The following KTN1 variants were observed in gnomAD, a reference collection of about 807,000 sequenced individuals.
The protein encoded by KTN1 is kinectin.
Under a neutral mutation model 222.5 loss-of-function variants are expected in KTN1, and 130 were observed. The ratio of observed to expected loss-of-function variants is 0.58; its 90% confidence interval spans 0.51 to 0.68. The LOEUF (loss-of-function observed/expected upper bound fraction) is 0.68. Ranked by LOEUF, KTN1 falls within the 30% of genes least tolerant of loss-of-function variation. The probability of loss-of-function intolerance (pLI) is 0.00; values close to 1 mark genes in which losing one functional copy is unlikely to be tolerated. For missense variants in KTN1, 1,508 were observed against 1,500.4 expected (o/e 1.01, Z -0.08); for synonymous variants, 512 against 496.3 (o/e 1.03, Z -0.42).
chr14:55,680,369 GTT>G (rs540631095), intron 43 of KTN1: 43 of 148,210 alleles, frequency 2.9e-4, no homozygotes, highest in South Asian at 7.0e-4. Flanking sequence ...TGGTTGTAGG[GTT>G]TTTTTTTTTT....
chr14:55,645,097 G>C (rs1305075352), intron 18 of KTN1, among the ~76,000 whole-genome samples: 1 of 152,142 alleles, frequency 6.6e-6, no homozygotes, highest in East Asian at 1.9e-4. Flanking sequence ...TTTAGAGGAA[G>C]AGATAATGCA....
intron 1 of KTN1, among the ~76,000 whole-genome samples, chr14:55,596,060 CAGG>C (rs1436198062): frequency 7.0e-6 from 1 of 143,362 alleles, no homozygotes; most frequent in African/African-American, 2.6e-5. Context: ...GAGGCTGAAG[CAGG>C]AGAATGGTGT....
In KTN1 at chr14:55,651,248, A is replaced by T. The variant is rs537884888; in HGVS notation, c.2565+611A>T. On this transcript the variant is annotated intron_variant, in intron 24 of 43. Coordinates refer to ENST00000395314, the MANE Select transcript of KTN1 (RefSeq NM_001079521.2). ...GTGATTGGAGATAATGTGTTGAATG[A>T]AACAGGTAGGATGAAAAGATCATAC... 8.8e-6 allele frequency: 4 copies of T among 455,930 alleles called. No individual in the cohort carries two copies. In the Admixed American group the frequency reaches 9.4e-5, roughly 11 times the overall value. The allele number at this position is 455,930 out of a possible 1,614,324, so 28.2% of individuals were successfully genotyped here.
At chr14:55,639,272 A>C in intron 13 of KTN1, 50 bp downstream of exon 13, 1 of 1,298,004 alleles carries the variant, frequency 7.7e-7, no homozygotes, top group Non-Finnish European at 1.1e-6. Flanking sequence ...CCACTAACTG[A>C]TACTTGTTAG....
intron 1 of KTN1, among the ~76,000 whole-genome samples, chr14:55,597,479 G>A (rs142131660): frequency 3.3e-5 from 5 of 152,168 alleles, no homozygotes; most frequent in African/African-American, 1.2e-4. Context: ...CAATTTTGCT[G>A]TTTGCGTAGA....
rs550190076 is a variant in KTN1, at chr14:55,602,979, G to A, written c.-30-9040G>A. Among the ~76,000 whole-genome samples, 3 of 152,200 alleles carry A rather than the reference G, an allele frequency of 2.0e-5. No individual in the cohort carries two copies. In the South Asian group the frequency reaches 6.2e-4, roughly 32 times the overall value. On this transcript the variant is annotated intron_variant, in intron 1 of 43. Coordinates refer to ENST00000395314, the MANE Select transcript of KTN1 (RefSeq NM_001079521.2). ...CAGAATTTTCACAAATGTCTATACC[G>A]TCTACCTCCTTTCCTGTCCTGGGTC... is the stretch of plus-strand genomic sequence containing the variant.
intron 9 of KTN1, among the ~76,000 whole-genome samples, chr14:55,635,549 C>G (rs1414553706): frequency 6.6e-6 from 1 of 152,170 alleles, no homozygotes; most frequent in Non-Finnish European, 1.5e-5. Context: ...CAGAGTGTCA[C>G]TTGGTCCAGT....
rs756061959 is a variant in KTN1 at position 55,667,293 on chromosome 14, A to G, written c.3230A>G (p.Lys1077Arg). 2.7e-5 allele frequency: 43 copies of G among 1,607,284 alleles called. No homozygotes were observed. The Middle Eastern group carries it at 5.0e-4, about 19-fold the overall frequency. Reference protein sequence around the residue: ...AVELEAKEVLKKLFPKVSVPS... With the variant: ...AVELEAKEVLRKLFPKVSVPS... The stretch of plus-strand genomic sequence containing the variant: ...GAGTTGGAGGCTAAAGAAGTTCTCA[A>G]AAAATTATTTCCAAAGGTGTCTGTC... Residue 1077 changes from lysine (K) to arginine (R), a missense_variant, in exon 34 of 44, where the codon AAA becomes AGA. Physicochemically the swap from Lys to Arg is conservative, Grantham distance 26. Transcript: ENST00000395314.
intron 1 of KTN1, among the ~76,000 whole-genome samples, chr14:55,586,193 A>G (rs1299406713): frequency 6.6e-6 from 1 of 152,130 alleles, no homozygotes; most frequent in Non-Finnish European, 1.5e-5. Context: ...TAATTACATA[A>G]TGTTCTGTGG....
At chr14:55,657,705 G>GTTCCCCTC (rs1226407923) in intron 29 of KTN1, among the ~76,000 whole-genome samples, 2 of 152,006 alleles carry the variant, frequency 1.3e-5, no homozygotes, top group East Asian at 3.9e-4. Context: ...GAGGTCAGGG[G>GTTCCCCTC]TTCGAGACCA....
chr14:55,619,330 TTATG>T lies in KTN1; in HGVS notation c.963+19_963+22del. ...TAAAGAAGGTAAGCGTGTTTTTTGA[TTATG>T]GGCATATTCATGACCAGTCATTAGA... On this transcript the variant is annotated intron_variant, in intron 5 of 43. Coordinates refer to ENST00000395314, the MANE Select transcript of KTN1 (RefSeq NM_001079521.2). The T allele has an allele frequency of 6.2e-7, 1 of 1,611,614 alleles. No individual in the cohort carries two copies.
chr14:55,624,781 C>CT (rs2039587578), intron 5 of KTN1, among the ~76,000 whole-genome samples: 1 of 152,060 alleles, frequency 6.6e-6, no homozygotes, highest in Non-Finnish European at 1.5e-5. Flanking sequence ...ATCACAGAAA[C>CT]TTTGAGTTTG....
chr14:55,652,882 T>C lies in KTN1; in HGVS notation c.2636T>C (p.Met879Thr). Reference protein sequence around the residue: ...LKGKEEQMNTMKAVLEEKEKD... With the variant: ...LKGKEEQMNTTKAVLEEKEKD... ...GGAAAAGAGGAACAGATGAATACCATGAAGGCTGTTTTGGAAGAGAAAGAG... is the reference window on the plus strand; with the variant it reads ...GGAAAAGAGGAACAGATGAATACCACGAAGGCTGTTTTGGAAGAGAAAGAG... Residue 879 changes from methionine (M) to threonine (T), a missense_variant, in exon 26 of 44, where the codon ATG becomes ACG. Transcript: ENST00000395314. 6.2e-7 allele frequency: 1 copy of C among 1,610,280 alleles called. No homozygotes were observed. The highest frequency in any genetic ancestry group is 8.5e-7 in the Non-Finnish European group (1 of 1,177,308).
chr14:55,637,403 G>C lies in KTN1; in HGVS notation c.1716+39G>C, dbSNP rs1451145009. The C allele has an allele frequency of 7.2e-6, 10 of 1,389,012 alleles. No homozygotes were observed. The African/African-American group carries it at 1.2e-4, about 16-fold the overall frequency. The allele number at this position is 1,389,012 out of a possible 1,614,324, so 86.0% of individuals were successfully genotyped here. Reference sequence around the variant, plus strand: ...TTTTTTTTTTTTTAAAAAAATACAGGTGGTCACTTATTAGATCTGTGTGTC... The same window carrying C: ...TTTTTTTTTTTTTAAAAAAATACAGCTGGTCACTTATTAGATCTGTGTGTC... On this transcript the variant is annotated intron_variant, in intron 11 of 43. Transcript: ENST00000395314.
At chr14:55,596,173 A>AAAAAAAT (rs1376306292) in intron 1 of KTN1, among the ~76,000 whole-genome samples, 1 of 148,856 alleles carries the variant, frequency 6.7e-6, no homozygotes, top group African/African-American at 2.5e-5. Context: ...AAAAAAAAAA[A>AAAAAAAT]GTAAAAATAA....
intron 1 of KTN1, among the ~76,000 whole-genome samples, chr14:55,580,891 G>A (rs1257942305): frequency 6.6e-6 from 1 of 152,194 alleles, no homozygotes; most frequent in Non-Finnish European, 1.5e-5. Flanking sequence ...GGCGGTCTGG[G>A]CGCTCGCCCC....
In KTN1 at chr14:55,585,131, C is replaced by CAAAA. The variant is rs752597184; in HGVS notation, c.-31+4799_-31+4802dup. On this transcript the variant is annotated intron_variant, in intron 1 of 43. Coordinates refer to ENST00000395314, the MANE Select transcript of KTN1 (RefSeq NM_001079521.2). ...TGGGTGACAGAGTGAGACTGTGTCT[C>CAAAA]AAAAAAAAAAAAAAAAAAAAAAAAA... Among the ~76,000 whole-genome samples the CAAAA allele has an allele frequency of 1.1e-4, 6 of 54,528 alleles. 1 individual carries two copies. Among genetic ancestry groups the CAAAA allele is most frequent in the African/African-American group, 3.5e-4 (5 of 14,244 alleles). The allele number at this position is 54,528 out of a possible 152,430, so 35.8% of individuals were successfully genotyped here.
At chr14:55,585,940 A>G (rs2032892101) in intron 1 of KTN1, among the ~76,000 whole-genome samples, 1 of 152,196 alleles carries the variant, frequency 6.6e-6, no homozygotes, top group Non-Finnish European at 1.5e-5. Flanking sequence ...AACATCTACA[A>G]TTAGTTTTCA....
At position 55,660,389 on chromosome 14, in the gene KTN1, GTT is replaced by G. The variant is rs34898734; in HGVS notation, c.2999+706_2999+707del. On this transcript the variant is annotated intron_variant, in intron 31 of 43. Transcript: ENST00000395314. Reference sequence around the variant, plus strand: ...TCTTTATGATTGTCTTTCTTAAGGAGTTTTTTTTTTTTTTTTTTTTTACTGAT... The same window carrying G: ...TCTTTATGATTGTCTTTCTTAAGGAGTTTTTTTTTTTTTTTTTTTACTGAT... Among the ~76,000 whole-genome samples the G allele has an allele frequency of 3.9e-3, 475 of 121,734 alleles. 2 individuals are homozygous for G. Among genetic ancestry groups the G allele is most frequent in the African/African-American group, 0.011 (359 of 32,358 alleles). The allele number at this position is 121,734 out of a possible 152,430, so 79.9% of individuals were successfully genotyped here. A position where few individuals can be genotyped will look rare whatever the true frequency, so the allele number is the denominator to read the frequency against.
Sources: allele counts gnomAD v4.1 joint callset (sites outside exome capture counted in the v4.1 genomes callset), GRCh38; gene constraint gnomAD v4.1.1; transcripts MANE v1.5; gene names NCBI Gene and HGNC (gene_info 2026-07-23, HGNC 2026-07-21).